The following SDF2 variants were observed in gnomAD, a reference collection of about 807,000 sequenced individuals.
SDF2 encodes stromal cell-derived factor 2.
Under a neutral mutation model 20.5 loss-of-function variants are expected in SDF2, and 12 were observed. That is an observed-to-expected ratio of 0.58 (90% CI 0.37 to 0.95). The LOEUF (loss-of-function observed/expected upper bound fraction) is 0.95, where lower values mean the gene tolerates loss of function less well. Ranked by LOEUF, SDF2 falls within the 40% of genes least tolerant of loss-of-function variation. The pLI, the probability that SDF2 is intolerant of heterozygous loss-of-function variation, is 0.01. For synonymous variants in SDF2, 100 were observed against 101.0 expected, an observed-to-expected ratio of 0.99 and a Z score of 0.06; for missense variants, 238 against 263.1, an observed-to-expected ratio of 0.90 and a Z score of 0.66.
rs552772154 is a variant in SDF2, at chr17:28,658,545, C to T, written c.152-3062G>A. 1.6e-3 allele frequency among the ~76,000 whole-genome samples: 238 copies of T among 152,316 alleles called. 1 individual carries two copies. Among genetic ancestry groups the T allele is most frequent in the African/African-American group, 5.6e-3 (231 of 41,562 alleles). On this transcript the variant is annotated intron_variant, in intron 1 of 2. Transcript: ENST00000247020. ...TCCATTTAACCCTGAGTTGACACAG[C>T]ACACGTTTCAGAGAGCACGGGGTTG... is the stretch of plus-strand genomic sequence containing the variant.
At position 28,661,855 on chromosome 17, in the gene SDF2, A is replaced by G. The variant is rs373034920; in HGVS notation, c.22T>C (p.Leu8=). 9 of 1,613,584 alleles carry G rather than the reference A, an allele frequency of 5.6e-6. No individual in the cohort carries two copies. Among genetic ancestry groups the G allele is most frequent in the Non-Finnish European group, 6.8e-6 (8 of 1,179,646 alleles). Residue 8 remains leucine, a synonymous_variant, in exon 1 of 3, where the codon TTG becomes CTG. Coordinates refer to ENST00000247020, the MANE Select transcript of SDF2 (RefSeq NM_006923.4). MAVVPLL[L]LGGLWSAVGA... is the part of the protein sequence containing the mutation. ...ACAGCGCTCCACAAACCCCCCAACA[A>G]CAGCAGAGGTACTACAGCCATCCTA...
intron 1 of SDF2, among the ~76,000 whole-genome samples, 196 bp downstream of exon 1, chr17:28,661,530 T>C (rs1361782850): frequency 6.6e-6 from 1 of 152,234 alleles, no homozygotes; most frequent in Non-Finnish European, 1.5e-5. Flanking sequence ...GCCTGGCCTG[T>C]AGCTCACCAA....
intron 1 of SDF2, 68 bp downstream of exon 1, chr17:28,661,658 T>C (rs1284477714): frequency 1.4e-5 from 21 of 1,537,360 alleles, no homozygotes; most frequent in Non-Finnish European, 1.8e-5. Flanking sequence ...TCAGATATTC[T>C]ATAGGCCCCG....
chr17:28,661,212 G>T (rs774795428), intron 1 of SDF2: 1 of 453,504 alleles, frequency 2.2e-6, no homozygotes, highest in Admixed American at 2.4e-5. Flanking sequence ...AGTGTAAGAT[G>T]CAGAAGAGCT....
chr17:28,652,787 T>C (rs549575311), intron 2 of SDF2, among the ~76,000 whole-genome samples: 127 of 152,186 alleles, frequency 8.3e-4, no homozygotes, highest in Non-Finnish European at 1.3e-3. Flanking sequence ...GCCTGGAGCA[T>C]CTTTTGGTGC....
At chr17:28,652,508 C>G (rs749192470) in intron 2 of SDF2, among the ~76,000 whole-genome samples, 13 of 152,140 alleles carry the variant, frequency 8.5e-5, no homozygotes, top group Admixed American at 2.0e-4. Context: ...CGGGGTTTCA[C>G]CATGTTAGCC....
intron 2 of SDF2, among the ~76,000 whole-genome samples, chr17:28,654,575 G>T (rs1375751163): frequency 6.6e-6 from 1 of 152,158 alleles, no homozygotes; most frequent in East Asian, 1.9e-4. Flanking sequence ...AACACTTCCA[G>T]GAGGCAGAGG....
At chr17:28,656,567 G>A (rs1567677396) in intron 1 of SDF2, among the ~76,000 whole-genome samples, 1 of 152,084 alleles carries the variant, frequency 6.6e-6, no homozygotes. Flanking sequence ...CAGCCTGGAT[G>A]ACAGAGCCAG....
chr17:28,649,674 C>A (rs75426863), intron 2 of SDF2, among the ~76,000 whole-genome samples: 2 of 144,932 alleles, frequency 1.4e-5, no homozygotes, highest in African/African-American at 5.1e-5. Flanking sequence ...GCGGAGGTTG[C>A]GGTGAGCCGA....
intron 1 of SDF2, among the ~76,000 whole-genome samples, chr17:28,657,425 A>G (rs935570000): frequency 6.6e-5 from 10 of 151,088 alleles, no homozygotes; most frequent in Middle Eastern, 3.4e-3. Flanking sequence ...TTGATACAGG[A>G]TCCCTCTTGT....
intron 2 of SDF2, among the ~76,000 whole-genome samples, chr17:28,654,148 C>CA (rs34469297): frequency 5.3e-5 from 8 of 150,940 alleles, no homozygotes; most frequent in Non-Finnish European, 7.4e-5. Flanking sequence ...CCGTATCTAC[C>CA]AAAAAAAATA....
chr17:28,651,269 G>T (rs1281505135), intron 2 of SDF2, among the ~76,000 whole-genome samples: 1 of 152,262 alleles, frequency 6.6e-6, no homozygotes, highest in Middle Eastern at 3.4e-3. Context: ...TCACCATGTT[G>T]ACCAGGCTGG....
intron 1 of SDF2, among the ~76,000 whole-genome samples, chr17:28,658,958 C>G (rs1347705995): frequency 6.9e-6 from 1 of 144,900 alleles, no homozygotes; most frequent in South Asian, 2.2e-4. Flanking sequence ...CGGGCAGAGG[C>G]GCTCCTCACA....
At chr17:28,656,951 A>G (rs2071968677) in intron 1 of SDF2, among the ~76,000 whole-genome samples, 1 of 152,158 alleles carries the variant, frequency 6.6e-6, no homozygotes, top group South Asian at 2.1e-4. Context: ...TATTTAAGCA[A>G]GGCACGGTGG....
chr17:28,649,397 G>C, intron 2 of SDF2, 121 bp from the exon 3 acceptor site: 3 of 892,228 alleles, frequency 3.4e-6, no homozygotes, highest in Non-Finnish European at 5.1e-6. Context: ...CCAGGCTTAT[G>C]CCTGTAATCC....
At chr17:28,658,558 G>C (rs556845856) in intron 1 of SDF2, among the ~76,000 whole-genome samples, 1 of 152,188 alleles carries the variant, frequency 6.6e-6, no homozygotes, top group East Asian at 1.9e-4. Context: ...ACGTTTCAGA[G>C]AGCACGGGGT....
At chr17:28,657,374 C>T (rs564176048) in intron 1 of SDF2, among the ~76,000 whole-genome samples, 1 of 151,942 alleles carries the variant, frequency 6.6e-6, no homozygotes, top group South Asian at 2.1e-4. Flanking sequence ...TAGCAAAATG[C>T]AGTCTCTAAA....
At chr17:28,654,139 C>T (rs1195582012) in intron 2 of SDF2, among the ~76,000 whole-genome samples, 2 of 151,810 alleles carry the variant, frequency 1.3e-5, no homozygotes, top group East Asian at 1.9e-4. Context: ...GGCAAAACCC[C>T]GTATCTACCA....
chr17:28,657,024 C>T (rs959841832), intron 1 of SDF2, among the ~76,000 whole-genome samples: 6 of 151,998 alleles, frequency 3.9e-5, no homozygotes, highest in Middle Eastern at 3.4e-3. Context: ...GTCATGAGTT[C>T]GAGACCAGCC....
Sources: gnomAD v4.1 joint callset for allele counts (sites outside exome capture counted in the v4.1 genomes callset) on GRCh38, gnomAD v4.1.1 for gene constraint, MANE v1.5 for transcripts, NCBI Gene and HGNC (gene_info 2026-07-23, HGNC 2026-07-21) for gene names.